Variants in GRIP1 observed in about 807,000 individuals in gnomAD.
GRIP1 encodes glutamate receptor interacting protein 1.
Under a neutral mutation model 129.9 loss-of-function variants are expected in GRIP1, and 45 were observed. The ratio of observed to expected loss-of-function variants is 0.35; its 90% CI spans 0.27 to 0.44. The LOEUF (loss-of-function observed/expected upper bound fraction) is 0.44, where lower values mean the gene tolerates loss of function less well. Ranked by LOEUF, GRIP1 falls within the 20% of genes least tolerant of loss-of-function variation. The probability of loss-of-function intolerance (pLI) is 1.00; values close to 1 mark genes in which losing one functional copy is unlikely to be tolerated. For missense variants in GRIP1, 1,196 were observed against 1,396.8 expected (o/e 0.86, Z 2.29); for synonymous variants, 530 against 520.8 (o/e 1.02, Z -0.24).
intron 1 of GRIP1, among the ~76,000 whole-genome samples, chr12:67,041,242 A>C (rs1473600883): frequency 6.6e-6 from 1 of 152,130 alleles, no homozygotes; most frequent in African/African-American, 2.4e-5. Context: ...ACATGTATGC[A>C]CATATATGCA....
At chr12:66,494,333 T>C (rs2060180278) in intron 7 of GRIP1, among the ~76,000 whole-genome samples, 1 of 152,252 alleles carries the variant, frequency 6.6e-6, no homozygotes, top group African/African-American at 2.4e-5. Flanking sequence ...TCTTAAACTT[T>C]GAATTCAAAA....
At chr12:66,848,831 C>T (rs1234412494) in intron 1 of GRIP1, among the ~76,000 whole-genome samples, 1 of 152,024 alleles carries the variant, frequency 6.6e-6, no homozygotes, top group East Asian at 1.9e-4. Flanking sequence ...GTTCCTTCAC[C>T]AACCTCTGTG....
intron 1 of GRIP1, among the ~76,000 whole-genome samples, chr12:66,716,518 GA>G (rs769060810): frequency 2.3e-4 from 35 of 149,208 alleles, no homozygotes; most frequent in East Asian, 1.8e-3. Context: ...AATAAATTTT[GA>G]AAAAAAAATT....
chr12:66,687,843 A>G (rs2034838994), intron 1 of GRIP1, among the ~76,000 whole-genome samples: 1 of 152,154 alleles, frequency 6.6e-6, no homozygotes, highest in Non-Finnish European at 1.5e-5. Context: ...TGGAACATAC[A>G]ATCCCTTAGT....
intron 16 of GRIP1, among the ~76,000 whole-genome samples, chr12:66,405,255 T>C (rs1329563699): frequency 5.3e-5 from 8 of 151,176 alleles, no homozygotes; most frequent in Non-Finnish European, 7.4e-5. Flanking sequence ...GACTTGTAAG[T>C]ATAATCAGCA....
At chr12:66,679,866 T>C (rs2034516758), upstream of GRIP1, among the ~76,000 whole-genome samples, 1 of 152,244 alleles carries the variant, frequency 6.6e-6, no homozygotes, top group Non-Finnish European at 1.5e-5. Flanking sequence ...TAGCAGATAT[T>C]TGTGAGTATC....
intron 23 of GRIP1, among the ~76,000 whole-genome samples, chr12:66,362,142 CTTT>C (rs10589880): frequency 2.5e-3 from 227 of 91,658 alleles, no homozygotes; most frequent in African/African-American, 3.6e-3. Flanking sequence ...CCAATTTAAT[CTTT>C]TTTTTTTTTT....
intron 23 of GRIP1, among the ~76,000 whole-genome samples, chr12:66,370,605 G>T (rs2055431334): frequency 6.6e-6 from 1 of 152,170 alleles, no homozygotes; most frequent in Non-Finnish European, 1.5e-5. Context: ...CTAGCTAATA[G>T]ATTATTAACC....
intron 4 of GRIP1, among the ~76,000 whole-genome samples, chr12:66,531,334 C>CAT (rs1555201935): frequency 2.0e-5 from 1 of 49,776 alleles, no homozygotes; most frequent in African/African-American, 1.0e-4. Flanking sequence ...TACATATATA[C>CAT]ATATATATAC....
intron 1 of GRIP1, among the ~76,000 whole-genome samples, chr12:66,990,721 G>A (rs570202389): frequency 1.3e-5 from 2 of 152,296 alleles, no homozygotes; most frequent in Admixed American, 6.5e-5. Flanking sequence ...TTGGCAGGGC[G>A]CGGTGGCTCA....
intron 1 of GRIP1, among the ~76,000 whole-genome samples, chr12:66,834,688 G>A (rs1488552930): frequency 4.6e-5 from 7 of 152,170 alleles, no homozygotes; most frequent in African/African-American, 1.4e-4. Context: ...ATTGGCTGGA[G>A]TGTATGGATA....
chr12:67,008,503 AT>A (rs1340822697), intron 1 of GRIP1, among the ~76,000 whole-genome samples: 1 of 152,224 alleles, frequency 6.6e-6, no homozygotes, highest in Non-Finnish European at 1.5e-5. Flanking sequence ...TAAAAGACAC[AT>A]AAAATTAGAG....
At chr12:66,532,192 T>C (rs2061481395) in intron 4 of GRIP1, among the ~76,000 whole-genome samples, 1 of 152,250 alleles carries the variant, frequency 6.6e-6, no homozygotes. Context: ...GAAATAGATT[T>C]GGTCTTTCTT....
intron 7 of GRIP1, among the ~76,000 whole-genome samples, chr12:66,475,965 A>T (rs1314017809): frequency 6.6e-6 from 1 of 152,210 alleles, no homozygotes; most frequent in African/African-American, 2.4e-5. Context: ...AGAACTAGAG[A>T]AGCAAGAGCA....
intron 2 of GRIP1, among the ~76,000 whole-genome samples, chr12:66,565,670 T>C (rs1192660272): frequency 5.3e-5 from 8 of 152,192 alleles, no homozygotes; most frequent in Admixed American, 2.0e-4. Flanking sequence ...AGAAAGTCAT[T>C]GGTAGCTTGA....
chr12:67,019,601 G>A (rs2042836767), intron 1 of GRIP1, among the ~76,000 whole-genome samples: 2 of 152,130 alleles, frequency 1.3e-5, no homozygotes, highest in Non-Finnish European at 2.9e-5. Context: ...TTCCCAGCCA[G>A]AGAGATAATA....
At chr12:66,449,210 A>C (rs2138157695) in intron 11 of GRIP1, among the ~76,000 whole-genome samples, 1 of 152,302 alleles carries the variant, frequency 6.6e-6, no homozygotes, top group South Asian at 2.1e-4. Context: ...AAAGGTTGGA[A>C]CCAGCTCTTT....
At chr12:66,925,591 T>C (rs1294464122) in intron 1 of GRIP1, among the ~76,000 whole-genome samples, 1 of 152,206 alleles carries the variant, frequency 6.6e-6, no homozygotes, top group Non-Finnish European at 1.5e-5. Flanking sequence ...ACTACGAATA[T>C]AGATTATACT....
At chr12:66,902,684 A>C (rs2040861931) in intron 1 of GRIP1, among the ~76,000 whole-genome samples, 2 of 152,350 alleles carry the variant, frequency 1.3e-5, no homozygotes, top group South Asian at 4.1e-4. Flanking sequence ...CCAATGACTT[A>C]ATATGGGAAA....
Sources: allele counts gnomAD v4.1 joint callset (sites outside exome capture counted in the v4.1 genomes callset), GRCh38; gene constraint gnomAD v4.1.1; transcripts MANE v1.5; gene names NCBI Gene and HGNC (gene_info 2026-07-23, HGNC 2026-07-21).